Variants in KCTD8 observed in about 807,000 individuals in gnomAD.
KCTD8 encodes BTB/POZ domain-containing protein KCTD8.
In KCTD8, 27 loss-of-function variants were observed where a neutral mutation model predicts 31.5. The ratio of observed to expected loss-of-function variants is 0.86; its 90% CI spans 0.63 to 1.18. The LOEUF (loss-of-function observed/expected upper bound fraction) is 1.18, where lower values mean the gene tolerates loss of function less well. Ranked by LOEUF, KCTD8 falls within the 50% of genes most tolerant of loss-of-function variation. The pLI is 0.00. For missense variants in KCTD8, 658 were observed against 647.7 expected (o/e 1.02, Z -0.17); for synonymous variants, 290 against 280.0 (o/e 1.04, Z -0.36).
intron 1 of KCTD8, among the ~76,000 whole-genome samples, chr4:44,295,328 C>T (rs760578706): frequency 1.1e-4 from 17 of 151,840 alleles, no homozygotes; most frequent in South Asian, 2.1e-4. Flanking sequence ...AAAAACTAGA[C>T]GACTATTAGT....
chr4:44,208,988 C>A (rs969664554), intron 1 of KCTD8, among the ~76,000 whole-genome samples: 2 of 151,780 alleles, frequency 1.3e-5, no homozygotes, highest in Non-Finnish European at 2.9e-5. Flanking sequence ...CATTTGATTT[C>A]CTTGGATATA....
At chr4:44,222,701 C>A (rs971343644) in intron 1 of KCTD8, among the ~76,000 whole-genome samples, 11 of 152,184 alleles carry the variant, frequency 7.2e-5, no homozygotes, top group Non-Finnish European at 1.2e-4. Context: ...TGGAACTATA[C>A]ACAGAGGAAA....
chr4:44,272,812 A>T (rs1186328060), intron 1 of KCTD8, among the ~76,000 whole-genome samples: 1 of 152,096 alleles, frequency 6.6e-6, no homozygotes, highest in East Asian at 1.9e-4. Flanking sequence ...AACTACTGAA[A>T]TCCACTTATT....
intron 1 of KCTD8, 81 bp downstream of exon 1, chr4:44,447,482 G>C: frequency 7.0e-7 from 1 of 1,434,090 alleles, no homozygotes; most frequent in Non-Finnish European, 9.1e-7. Flanking sequence ...ACACCCCCGC[G>C]GGGCCTCCAG....
intron 1 of KCTD8, among the ~76,000 whole-genome samples, chr4:44,221,941 C>T (rs1714820532): frequency 6.6e-6 from 1 of 152,126 alleles, no homozygotes; most frequent in Non-Finnish European, 1.5e-5. Context: ...CAGTATTAAC[C>T]ATCACACATG....
chr4:44,322,642 T>C (rs1206823312), intron 1 of KCTD8, among the ~76,000 whole-genome samples: 1 of 152,094 alleles, frequency 6.6e-6, no homozygotes, highest in East Asian at 1.9e-4. Context: ...TTTTGAGCTC[T>C]TACCCAAAAA....
At chr4:44,401,165 T>C (rs886665294) in intron 1 of KCTD8, among the ~76,000 whole-genome samples, 3 of 151,896 alleles carry the variant, frequency 2.0e-5, no homozygotes, top group Non-Finnish European at 4.4e-5. Context: ...TTTTTTTAAA[T>C]CTTGAGTTTC....
chr4:44,303,026 T>G (rs1006501742), intron 1 of KCTD8, among the ~76,000 whole-genome samples: 10 of 152,288 alleles, frequency 6.6e-5, no homozygotes, highest in African/African-American at 1.9e-4. Context: ...TACATTTATT[T>G]ATTTGTGCAT....
intron 1 of KCTD8, among the ~76,000 whole-genome samples, chr4:44,259,800 C>T (rs1001500033): frequency 1.3e-5 from 2 of 151,778 alleles, no homozygotes; most frequent in East Asian, 3.9e-4. Context: ...AGCAAAAGGT[C>T]TAAAGGCAAA....
chr4:44,239,980 C>T (rs879497562), intron 1 of KCTD8, among the ~76,000 whole-genome samples: 12 of 152,104 alleles, frequency 7.9e-5, no homozygotes, highest in Non-Finnish European at 1.6e-4. Context: ...CAATTACCTC[C>T]CTGGATGGAT....
intron 1 of KCTD8, among the ~76,000 whole-genome samples, chr4:44,230,458 T>A (rs1715090070): frequency 6.6e-6 from 1 of 152,228 alleles, no homozygotes; most frequent in South Asian, 2.1e-4. Flanking sequence ...ATAATTAACA[T>A]GATTGTGCAT....
intron 1 of KCTD8, among the ~76,000 whole-genome samples, chr4:44,325,781 T>C (rs966753384): frequency 2.0e-5 from 3 of 151,892 alleles, no homozygotes; most frequent in Non-Finnish European, 2.9e-5. Flanking sequence ...CATTTAAATA[T>C]AGCCCTGTAG....
At chr4:44,211,628 T>C (rs981114501) in intron 1 of KCTD8, among the ~76,000 whole-genome samples, 1 of 152,164 alleles carries the variant, frequency 6.6e-6, no homozygotes, top group African/African-American at 2.4e-5. Flanking sequence ...TTTTGTGAAC[T>C]TTCTAACTAA....
At chr4:44,349,481 C>G (rs57040228) in intron 1 of KCTD8, among the ~76,000 whole-genome samples, 10,917 of 152,160 alleles carry the variant, frequency 0.072, 678 homozygotes, top group East Asian at 0.17. Context: ...TTGCCGTGTT[C>G]TGTCTTGGTA....
chr4:44,267,174 C>G (rs1413067506), intron 1 of KCTD8, among the ~76,000 whole-genome samples: 2 of 152,128 alleles, frequency 1.3e-5, no homozygotes, highest in African/African-American at 4.8e-5. Context: ...TGTAAAAGAA[C>G]AGAAATTATA....
intron 1 of KCTD8, among the ~76,000 whole-genome samples, chr4:44,330,477 A>C (rs1718567377): frequency 6.6e-6 from 1 of 151,918 alleles, no homozygotes; most frequent in Non-Finnish European, 1.5e-5. Flanking sequence ...CATGGATGTT[A>C]TCAGTATCCC....
chr4:44,303,837 T>TA (rs1717715843), intron 1 of KCTD8, among the ~76,000 whole-genome samples: 1 of 151,952 alleles, frequency 6.6e-6, no homozygotes, highest in African/African-American at 2.4e-5. Context: ...AAAAAACTCC[T>TA]AATCGTTTTT....
At chr4:44,338,563 G>A (rs1287548242) in intron 1 of KCTD8, among the ~76,000 whole-genome samples, 1 of 152,160 alleles carries the variant, frequency 6.6e-6, no homozygotes, top group Non-Finnish European at 1.5e-5. Context: ...CTTTTTCTCT[G>A]ATATGCTCTC....
intron 1 of KCTD8, among the ~76,000 whole-genome samples, chr4:44,356,599 G>C (rs899490780): frequency 6.6e-6 from 1 of 152,020 alleles, no homozygotes; most frequent in Non-Finnish European, 1.5e-5. Flanking sequence ...TCAGCCTGCC[G>C]AGTAGCTGGT....
Sources: gnomAD v4.1 joint callset for allele counts (sites outside exome capture counted in the v4.1 genomes callset) on GRCh38, gnomAD v4.1.1 for gene constraint, MANE v1.5 for transcripts, NCBI Gene and HGNC (gene_info 2026-07-23, HGNC 2026-07-21) for gene names.